TRDN: variants seen among roughly 807,000 people sequenced by gnomAD.
The protein encoded by TRDN is triadin in skeletal muscle.
A neutral mutation model predicts 149.7 loss-of-function variants in TRDN; 161 were observed. The observed-to-expected ratio is 1.08, with a 90% CI of 0.95 to 1.23. TRDN has a LOEUF of 1.23. Among genes scored for constraint, TRDN ranks in the 50% most tolerant of loss-of-function variants. TRDN has a pLI of 0.00. For synonymous variants in TRDN, 294 were observed against 250.5 expected, an observed-to-expected ratio of 1.17 and a Z score of -1.64; for missense variants, 896 against 823.5, an observed-to-expected ratio of 1.09 and a Z score of -1.08.
chr6:123,261,302 TCAGAA>T (rs1405422305), intron 33 of TRDN, among the ~76,000 whole-genome samples: 1 of 151,888 alleles, frequency 6.6e-6, no homozygotes, highest in African/African-American at 2.4e-5. Flanking sequence ...TAAGATGCTG[TCAGAA>T]ATGCAATTGA....
intron 12 of TRDN, among the ~76,000 whole-genome samples, chr6:123,425,232 G>GGTGTGTGTGTGTGT (rs60065532): frequency 7.2e-6 from 1 of 138,720 alleles, no homozygotes; most frequent in African/African-American, 2.7e-5. Context: ...CAGAGGTAGA[G>GGTGTGTGTGTGTGT]GTGTGTGTGT....
intron 9 of TRDN, among the ~76,000 whole-genome samples, chr6:123,480,752 A>C (rs1777712526): frequency 6.6e-6 from 1 of 152,134 alleles, no homozygotes; most frequent in African/African-American, 2.4e-5. Context: ...ATAATTTATA[A>C]ATAGAGTAAC....
chr6:123,591,095 G>A (rs980807128), intron 1 of TRDN, among the ~76,000 whole-genome samples: 14 of 152,112 alleles, frequency 9.2e-5, no homozygotes, highest in African/African-American at 3.4e-4. Flanking sequence ...CAGAATTAAT[G>A]CTATTACCAC....
intron 2 of TRDN, among the ~76,000 whole-genome samples, chr6:123,552,081 A>C (rs760127222): frequency 1.3e-5 from 2 of 152,112 alleles, no homozygotes; most frequent in African/African-American, 2.4e-5. Flanking sequence ...CAATGTTGAA[A>C]TCACTCTACC....
Position 123,497,234 on chromosome 6 carries a change from C to G in TRDN, c.812G>C (p.Arg271Pro), listed in dbSNP as rs772783444. ...ATGGACAAATATGTCAATCATATAT[C>G]GACAGAATGCATACTGATCTGACAG... is the stretch of plus-strand genomic sequence containing the variant. ...HEQKDQYAFC[R>P]YMIDIFVHGD... Residue 271 changes from arginine to proline, a missense_variant, in exon 9 of 41, where the codon CGA (arginine) becomes CCA (proline). By Grantham distance (103) the Arg-to-Pro change is moderately radical. Coordinates refer to ENST00000334268, the MANE Select transcript of TRDN (RefSeq NM_006073.4). 2.6e-6 allele frequency: 4 copies of G among 1,553,814 alleles called. No individual in the cohort carries two copies. The highest frequency in any genetic ancestry group is 3.5e-6 in the Non-Finnish European group (4 of 1,151,060).
intron 4 of TRDN, among the ~76,000 whole-genome samples, chr6:123,544,236 C>T (rs1197160305): frequency 6.9e-6 from 1 of 144,888 alleles, no homozygotes; most frequent in East Asian, 2.2e-4. Flanking sequence ...GCCTTATGCA[C>T]ATCTGTACAT....
intron 20 of TRDN, among the ~76,000 whole-genome samples, chr6:123,355,015 T>G (rs1780605992): frequency 6.6e-6 from 1 of 151,802 alleles, no homozygotes; most frequent in Non-Finnish European, 1.5e-5. Context: ...TTAATTTCAG[T>G]CTTTCCTGAT....
At chr6:123,423,407 G>C (rs962440447) in intron 12 of TRDN, among the ~76,000 whole-genome samples, 2 of 151,906 alleles carry the variant, frequency 1.3e-5, no homozygotes, top group African/African-American at 4.8e-5. Context: ...TACCAAAATA[G>C]GTATATTTAA....
chr6:123,218,784 G>T, intron 40 of TRDN, 44 bp from the exon 41 acceptor site: 1 of 1,538,700 alleles, frequency 6.5e-7, no homozygotes, highest in South Asian at 1.2e-5. Flanking sequence ...TGCAGAACAT[G>T]AGCAAAAAAG....
chr6:123,498,650 G>C, intron 8 of TRDN: 1 of 470,098 alleles, frequency 2.1e-6, no homozygotes, highest in Non-Finnish European at 4.4e-6. Flanking sequence ...GGAACCCTAT[G>C]ATTGGGAAAG....
intron 1 of TRDN, among the ~76,000 whole-genome samples, chr6:123,631,480 A>G (rs547950427): frequency 6.6e-6 from 1 of 152,130 alleles, no homozygotes; most frequent in African/African-American, 2.4e-5. Context: ...AGATATTAAA[A>G]ATGATTACTT....
chr6:123,283,732 C>T (rs1777687233), intron 24 of TRDN, among the ~76,000 whole-genome samples: 2 of 150,494 alleles, frequency 1.3e-5, no homozygotes, highest in Non-Finnish European at 3.0e-5. Flanking sequence ...AATATGTAAC[C>T]CTCCTAGCTT....
At chr6:123,224,949 A>G (rs1775300874) in intron 38 of TRDN, among the ~76,000 whole-genome samples, 1 of 151,858 alleles carries the variant, frequency 6.6e-6, no homozygotes, top group African/African-American at 2.4e-5. Flanking sequence ...GAAACAATGA[A>G]CAAAATGAAA....
At chr6:123,572,237 C>T (rs1050013524) in intron 1 of TRDN, among the ~76,000 whole-genome samples, 2 of 151,950 alleles carry the variant, frequency 1.3e-5, no homozygotes, top group Non-Finnish European at 2.9e-5. Flanking sequence ...GTGGATTTTT[C>T]CTCCATTTTT....
intron 2 of TRDN, among the ~76,000 whole-genome samples, chr6:123,558,751 A>C (rs929604118): frequency 1.3e-5 from 2 of 152,186 alleles, no homozygotes; most frequent in African/African-American, 4.8e-5. Context: ...GTGTACAATG[A>C]TAGAGTAGAG....
chr6:123,381,350 C>T lies in TRDN; in HGVS notation c.1186+20G>A. 6.5e-7 allele frequency: 1 copy of T among 1,549,714 alleles called. No individual in the cohort carries two copies. ...TAGTAAAAAAAAAAGTACACAAATA[C>T]ACTGCATGCATTTCCTTACTTTTTC... On this transcript the variant is annotated intron_variant, in intron 16 of 40. Transcript: ENST00000334268.
chr6:123,569,365 C>T (rs559131399), intron 2 of TRDN, among the ~76,000 whole-genome samples: 26 of 152,272 alleles, frequency 1.7e-4, no homozygotes, highest in Admixed American at 1.3e-3. Context: ...CCTTCCTCTT[C>T]CTATCTTCTT....
At chr6:123,347,588 T>C (rs754345730) in intron 21 of TRDN, among the ~76,000 whole-genome samples, 8 of 152,080 alleles carry the variant, frequency 5.3e-5, no homozygotes, top group Non-Finnish European at 8.8e-5. Context: ...TAGATTTAAA[T>C]AATATTTTAA....
At chr6:123,314,170 C>G (rs994624789) in intron 24 of TRDN, among the ~76,000 whole-genome samples, 2 of 151,922 alleles carry the variant, frequency 1.3e-5, no homozygotes, top group South Asian at 2.1e-4. Flanking sequence ...TAAACAACCT[C>G]ATTAAAAAGT....
Sources: allele counts gnomAD v4.1 joint callset (sites outside exome capture counted in the v4.1 genomes callset), GRCh38; gene constraint gnomAD v4.1.1; transcripts MANE v1.5; gene names NCBI Gene and HGNC (gene_info 2026-07-23, HGNC 2026-07-21).